The following ADRA1B variants were observed in gnomAD, a reference collection of about 807,000 sequenced individuals.
ADRA1B encodes adrenoceptor alpha 1B.
Under a neutral mutation model 17.9 loss-of-function variants are expected in ADRA1B, and 17 were observed. The ratio of observed to expected loss-of-function variants is 0.95; its 90% CI spans 0.65 to 1.42. ADRA1B has a LOEUF of 1.42. Among genes scored for constraint, ADRA1B ranks in the 40% most tolerant of loss-of-function variants. The probability of loss-of-function intolerance (pLI) is 0.00; values close to 1 mark genes in which losing one functional copy is unlikely to be tolerated. For missense variants in ADRA1B, 681 were observed against 722.1 expected (o/e 0.94, Z 0.65); for synonymous variants, 366 against 327.6 (o/e 1.12, Z -1.27).
chr5:159,921,127 A>G (rs77476585), intron 1 of ADRA1B, among the ~76,000 whole-genome samples: 3,993 of 152,206 alleles, frequency 0.026, 80 homozygotes, highest in Non-Finnish European at 0.036. Flanking sequence ...TTATTTCTGG[A>G]AGCAGGGTTG....
At chr5:159,886,874 TAC>T (rs1378700441) in intron 1 of ADRA1B, among the ~76,000 whole-genome samples, 1 of 152,096 alleles carries the variant, frequency 6.6e-6, no homozygotes, top group Non-Finnish European at 1.5e-5. Context: ...AATATATATA[TAC>T]ATACATATAC....
At chr5:159,976,631 C>A (rs933668392), downstream of ADRA1B, among the ~76,000 whole-genome samples, 3 of 146,834 alleles carry the variant, frequency 2.0e-5, no homozygotes, top group African/African-American at 7.6e-5. Flanking sequence ...ACTCCCAGAA[C>A]GAGTTATCTC....
At chr5:159,980,386 G>A in the ADRA1B span, among the ~76,000 whole-genome samples, 3 of 152,170 alleles carry the variant, frequency 2.0e-5, no homozygotes, top group Non-Finnish European at 4.4e-5. Flanking sequence ...GCCCGAACAA[G>A]ACTCCACACT....
chr5:159,935,960 T>C (rs956672260), intron 1 of ADRA1B, among the ~76,000 whole-genome samples: 1 of 152,248 alleles, frequency 6.6e-6, no homozygotes, highest in Non-Finnish European at 1.5e-5. Context: ...TTACTACCTG[T>C]GTGGCTTTCA....
chr5:159,986,624 C>A, the ADRA1B span, among the ~76,000 whole-genome samples: 1 of 152,138 alleles, frequency 6.6e-6, no homozygotes, highest in African/African-American at 2.4e-5. Context: ...CCTCCAGCCC[C>A]GTCTAACGGA....
intron 1 of ADRA1B, among the ~76,000 whole-genome samples, chr5:159,897,272 G>A (rs1452177422): frequency 2.0e-5 from 3 of 152,152 alleles, no homozygotes; most frequent in Non-Finnish European, 4.4e-5. Flanking sequence ...TGGATCATGA[G>A]GTCACGAGTT....
intron 1 of ADRA1B, chr5:159,869,246 G>A (rs748585114): frequency 2.6e-5 from 4 of 152,186 alleles, no homozygotes; most frequent in Non-Finnish European, 5.9e-5. Flanking sequence ...TTCCTGGAAA[G>A]CCTTCTATCC....
intron 1 of ADRA1B, among the ~76,000 whole-genome samples, chr5:159,937,475 G>A (rs371462846): frequency 6.6e-6 from 1 of 151,602 alleles, no homozygotes; most frequent in Non-Finnish European, 1.5e-5. Flanking sequence ...AGAGTCTCAG[G>A]AGTCTCACCA....
In ADRA1B at chr5:159,917,749, A is replaced by G. The variant is rs1190364353; in HGVS notation, c.844A>G (p.Lys282Glu). The change falls in exon 1 of 2, where the codon AAA becomes GAA. Residue 282 changes from lysine to glutamate, a missense_variant. This residue lies in a region of ADRA1B where 424 missense variants were observed against 480.2 expected (regional missense o/e 0.88). Coordinates refer to ENST00000306675, the MANE Select transcript of ADRA1B (RefSeq NM_000679.4). The stretch of plus-strand genomic sequence containing the variant: ...CAACCCCAGGAGTTCCATAGCTGTC[A>G]AACTTTTTAAGTTCTCCAGGGAAAA... ...GHNPRSSIAV[K>E]LFKFSREKKA... 1 of 1,614,142 alleles carries G rather than the reference A, an allele frequency of 6.2e-7. No homozygotes were observed. Among genetic ancestry groups the G allele is most frequent in the East Asian group, 2.2e-5 (1 of 44,882 alleles).
chr5:159,948,512 G>A (rs1254955370), intron 1 of ADRA1B: 43 of 964,166 alleles, frequency 4.5e-5, no homozygotes, highest in Non-Finnish European at 5.1e-5. Flanking sequence ...AGTTATATGC[G>A]TGTTTTCATT....
intron 1 of ADRA1B, among the ~76,000 whole-genome samples, chr5:159,954,196 A>C (rs1016767368): frequency 7.9e-5 from 12 of 152,160 alleles, no homozygotes; most frequent in African/African-American, 2.9e-4. Flanking sequence ...CTGCTGTAAC[A>C]AGGTACCTTA....
At chr5:159,906,822 G>A (rs564342057) in intron 1 of ADRA1B, among the ~76,000 whole-genome samples, 50 of 152,284 alleles carry the variant, frequency 3.3e-4, no homozygotes, top group African/African-American at 6.3e-4. Context: ...GAAGTTCCCC[G>A]GCTTGACTTG....
At chr5:159,985,813 G>C in the ADRA1B span, among the ~76,000 whole-genome samples, 1 of 152,224 alleles carries the variant, frequency 6.6e-6, no homozygotes, top group Non-Finnish European at 1.5e-5. Context: ...ATCCTGCATT[G>C]CGAAGAGGAG....
At chr5:159,958,259 A>C (rs576358658) in intron 1 of ADRA1B, among the ~76,000 whole-genome samples, 3 of 152,132 alleles carry the variant, frequency 2.0e-5, no homozygotes, top group African/African-American at 4.8e-5. Context: ...ATCCAGCCTT[A>C]TTTCTTTCTT....
intron 1 of ADRA1B, chr5:159,888,579 T>C (rs1753951028): frequency 6.6e-6 from 1 of 152,142 alleles, no homozygotes; most frequent in Non-Finnish European, 1.5e-5. Flanking sequence ...TAAAACCTAG[T>C]TATACACTGC....
At chr5:159,967,051 A>C (rs2113291829) in intron 1 of ADRA1B, among the ~76,000 whole-genome samples, 1 of 152,310 alleles carries the variant, frequency 6.6e-6, no homozygotes, top group South Asian at 2.1e-4. Flanking sequence ...ATTTTTTTAA[A>C]TCTGGAAGGA....
At chr5:159,913,775 G>A (rs924292083), upstream of ADRA1B, among the ~76,000 whole-genome samples, 3 of 152,142 alleles carry the variant, frequency 2.0e-5, no homozygotes, top group Non-Finnish European at 4.4e-5. Context: ...ATTCAATGGT[G>A]TGTTGCTGGC....
intron 1 of ADRA1B, among the ~76,000 whole-genome samples, chr5:159,895,026 A>G: frequency 6.6e-6 from 1 of 152,256 alleles, no homozygotes; most frequent in East Asian, 1.9e-4. Context: ...GAAGCATTAT[A>G]GAACTACTGT....
intron 1 of ADRA1B, among the ~76,000 whole-genome samples, chr5:159,876,329 A>T (rs1017594771): frequency 1.3e-5 from 2 of 152,224 alleles, no homozygotes; most frequent in African/African-American, 2.4e-5. Context: ...TTCTCCTCAC[A>T]GTGGCAGGAT....
Sources: gnomAD v4.1 joint callset for allele counts (sites outside exome capture counted in the v4.1 genomes callset) on GRCh38, gnomAD v4.1.1 for gene constraint, gnomAD v4.1.1 regional missense constraint, MANE v1.5 for transcripts, NCBI Gene and HGNC (gene_info 2026-07-23, HGNC 2026-07-21) for gene names.